The following ANO1 variants were observed in gnomAD, a reference collection of about 807,000 sequenced individuals.
The protein encoded by ANO1 is anoctamin 1.
A neutral mutation model predicts 124.0 loss-of-function variants in ANO1; 59 were observed. That is an observed-to-expected ratio of 0.48 (90% CI 0.39 to 0.59). The LOEUF is 0.59. Ranked by LOEUF, ANO1 falls within the 20% of genes least tolerant of loss-of-function variation. The probability of loss-of-function intolerance (pLI) is 0.00; values close to 1 mark genes in which losing one functional copy is unlikely to be tolerated. For missense variants in ANO1, 1,059 were observed against 1,328.0 expected (o/e 0.80, Z 3.15); for synonymous variants, 529 against 532.0 (o/e 0.99, Z 0.08).
chr11:70,025,418 G>A (rs563748944), intron 1 of ANO1, among the ~76,000 whole-genome samples: 3 of 152,080 alleles, frequency 2.0e-5, no homozygotes, highest in South Asian at 2.1e-4. Context: ...CAATGATGAC[G>A]ATGGTGCTGA....
chr11:69,994,085 A>G (rs1198803330), intron 1 of ANO1, among the ~76,000 whole-genome samples: 1 of 103,074 alleles, frequency 9.7e-6, no homozygotes, highest in Admixed American at 1.2e-4. Context: ...TTGATTTTAC[A>G]CCCCCAATTT....
chr11:69,979,681 A>G, the ANO1 span, among the ~76,000 whole-genome samples: 1 of 152,170 alleles, frequency 6.6e-6, no homozygotes, highest in Admixed American at 6.5e-5. Context: ...AGCAATCCTC[A>G]TTCTTCCTTT....
At chr11:70,182,755 C>A in intron 24 of ANO1, 69 bp downstream of exon 24, 1 of 1,295,248 alleles carries the variant, frequency 7.7e-7, no homozygotes, top group Non-Finnish European at 1.0e-6. Flanking sequence ...TGGGTTTGGA[C>A]GGGGCTCAAA....
chr11:70,089,310 GCAC>G (rs774914791), intron 2 of ANO1, among the ~76,000 whole-genome samples: 34 of 152,222 alleles, frequency 2.2e-4, no homozygotes, highest in Non-Finnish European at 4.4e-4. Flanking sequence ...TCATCCACAG[GCAC>G]CACCATGTCC....
chr11:69,988,906 G>C (rs1856099338), intron 1 of ANO1, among the ~76,000 whole-genome samples: 1 of 151,944 alleles, frequency 6.6e-6, no homozygotes, highest in Non-Finnish European at 1.5e-5. Context: ...AGTGAAGGAG[G>C]GAGGGAATGA....
At chr11:70,067,668 A>G (rs1555008797) in intron 1 of ANO1, among the ~76,000 whole-genome samples, 1 of 152,098 alleles carries the variant, frequency 6.6e-6, no homozygotes, top group Non-Finnish European at 1.5e-5. Context: ...AGTGCCCGGC[A>G]ACCTTGAGAA....
chr11:70,029,422 G>C (rs1377846064), intron 1 of ANO1, among the ~76,000 whole-genome samples: 1 of 152,192 alleles, frequency 6.6e-6, no homozygotes, highest in African/African-American at 2.4e-5. Flanking sequence ...ATTTGTAGGG[G>C]GTGTTTCCTG....
intron 1 of ANO1, among the ~76,000 whole-genome samples, chr11:70,048,586 C>T (rs1243015973): frequency 1.3e-5 from 2 of 151,726 alleles, no homozygotes; most frequent in Non-Finnish European, 2.9e-5. Flanking sequence ...CTCTCTCCCC[C>T]ACCTCCCTCT....
intron 14 of ANO1, among the ~76,000 whole-genome samples, 193 bp from the exon 15 acceptor site, chr11:70,155,718 G>A (rs1212774770): frequency 1.4e-4 from 21 of 152,194 alleles, no homozygotes; most frequent in Admixed American, 1.3e-3. Flanking sequence ...TGTTCTTTCC[G>A]AACGTAGGTC....
the ANO1 span, among the ~76,000 whole-genome samples, chr11:69,968,752 G>A: frequency 6.6e-6 from 1 of 152,194 alleles, no homozygotes; most frequent in African/African-American, 2.4e-5. Flanking sequence ...GGGCAGAGGG[G>A]GCTCAGAGGC....
chr11:70,097,486 C>A (rs1037984388), intron 2 of ANO1, among the ~76,000 whole-genome samples: 2 of 152,238 alleles, frequency 1.3e-5, no homozygotes, highest in Non-Finnish European at 2.9e-5. Flanking sequence ...CAGGCAGACC[C>A]CTGCCCAGGG....
At chr11:70,178,177 G>A (rs1005601486) in intron 22 of ANO1, among the ~76,000 whole-genome samples, 1 of 152,212 alleles carries the variant, frequency 6.6e-6, no homozygotes, top group Admixed American at 6.5e-5. Flanking sequence ...TTAGGAGCTC[G>A]GAGTCCACGG....
At chr11:70,041,897 T>G (rs1001992230) in intron 1 of ANO1, among the ~76,000 whole-genome samples, 1 of 152,184 alleles carries the variant, frequency 6.6e-6, no homozygotes, top group African/African-American at 2.4e-5. Context: ...TAATTTCTAT[T>G]TTTAAAAATT....
rs776936154 is a variant in ANO1 at position 70,132,017 on chromosome 11, G to A, written c.1196G>A (p.Arg399His). The A allele has an allele frequency of 1.0e-5, 16 of 1,606,458 alleles. No individual in the cohort carries two copies. The highest frequency in any genetic ancestry group is 1.4e-5 in the Non-Finnish European group (16 of 1,178,276). ...WKMSSACATARASHLFDNPAT... is the reference protein window; with the variant it reads ...WKMSSACATAHASHLFDNPAT... ...ATGAGCTCAGCCTGCGCCACGGCCC[G>A]CGCCAGCCACCTCTTCGACAACCCC... Residue 399 changes from arginine (R) to histidine (H), a missense_variant, in exon 11 of 26, where the codon CGC (arginine) becomes CAC (histidine). Around this residue, in one of 2 missense-constraint regions of ANO1, gnomAD observed 809 missense variants for 1,094.9 expected, o/e 0.74. Transcript: ENST00000355303.
intron 19 of ANO1, among the ~76,000 whole-genome samples, chr11:70,164,878 A>AC (rs2048191176): frequency 6.6e-6 from 1 of 151,892 alleles, no homozygotes; most frequent in South Asian, 2.1e-4. Context: ...GCCCTGCCCC[A>AC]CCCCTGCTTA....
the ANO1 span, among the ~76,000 whole-genome samples, chr11:69,966,554 C>T: frequency 1.3e-4 from 20 of 152,232 alleles, no homozygotes; most frequent in Non-Finnish European, 2.4e-4. Flanking sequence ...CTGGGAAGCC[C>T]GAGGCCGGCA....
rs186586311 is a variant in ANO1, at chr11:70,006,242, T to C, written c.58+20076T>C. Among the ~76,000 whole-genome samples the C allele has an allele frequency of 3.0e-4, 46 of 152,292 alleles. No individual in the cohort carries two copies. The East Asian group carries it at 5.4e-3, about 18-fold the overall frequency. On this transcript the variant is annotated intron_variant, in intron 1 of 27. Coordinates refer to the ANO1 transcript ENST00000531349. ...CTAGTCCAGGACTTTCACATCCAAT[T>C]TGATGCTAAAACTTTCTTCCACCCA...
intron 24 of ANO1, 129 bp downstream of exon 24, chr11:70,182,815 G>GT: frequency 3.3e-6 from 3 of 918,852 alleles, no homozygotes; most frequent in Non-Finnish European, 3.0e-6. Context: ...AGAAGAAGAA[G>GT]GAAAAAAAAA....
the ANO1 span, among the ~76,000 whole-genome samples, chr11:69,979,330 G>A: frequency 6.6e-5 from 10 of 152,276 alleles, no homozygotes; most frequent in African/African-American, 2.4e-4. Context: ...TAAGCAGAAG[G>A]TTGGCATGGT....
Sources: gnomAD v4.1 joint callset for allele counts (sites outside exome capture counted in the v4.1 genomes callset) on GRCh38, gnomAD v4.1.1 for gene constraint, gnomAD v4.1.1 regional missense constraint, MANE v1.5 for transcripts, NCBI Gene and HGNC (gene_info 2026-07-23, HGNC 2026-07-21) for gene names.